The following POF1B variants were observed in gnomAD, a reference collection of about 807,000 sequenced individuals.
The protein encoded by POF1B is protein POF1B.
Under a neutral mutation model 55.3 loss-of-function variants are expected in POF1B, and 53 were observed. The ratio of observed to expected loss-of-function variants is 0.96; its 90% CI spans 0.77 to 1.20. The LOEUF is 1.20. Ranked by LOEUF, POF1B falls within the 50% of genes most tolerant of loss-of-function variation. POF1B has a pLI of 0.00. For missense variants in POF1B, 478 were observed against 420.5 expected (o/e 1.14, Z -1.20); for synonymous variants, 188 against 148.3 (o/e 1.27, Z -1.95).
At chrX:85,298,673 G>T (rs937975985) in intron 15 of POF1B, among the ~76,000 whole-genome samples, 4 of 111,917 alleles carry the variant, frequency 3.6e-5, no homozygotes, top group Non-Finnish European at 7.5e-5. Flanking sequence ...GTACTTCCTG[G>T]ATGTGTCTAC....
chrX:85,308,643 A>G (rs1220202083), intron 9 of POF1B, among the ~76,000 whole-genome samples: 1 of 111,535 alleles, frequency 9.0e-6, no homozygotes, highest in Admixed American at 9.6e-5. Flanking sequence ...TTTAACTTTA[A>G]AGTATAGAGC....
chrX:85,318,063 C>A lies in POF1B; in HGVS notation c.855-2329G>T, dbSNP rs768859586. Among the ~76,000 whole-genome samples the A allele has an allele frequency of 3.6e-5, 4 of 110,566 alleles. No homozygotes were observed. In the East Asian group the frequency reaches 1.1e-3, roughly 32 times the overall value. ...AGAGGGGGAACAACACATACTGGGGCCTATTAAAAGGTAGAGGGTGGGAGG... is the reference window on the plus strand; with the variant it reads ...AGAGGGGGAACAACACATACTGGGGACTATTAAAAGGTAGAGGGTGGGAGG... On this transcript the variant is annotated intron_variant, in intron 7 of 16. Transcript: ENST00000262753.
At chrX:85,373,829 C>T (rs2049586142) in intron 2 of POF1B, among the ~76,000 whole-genome samples, 1 of 111,120 alleles carries the variant, frequency 9.0e-6, no homozygotes, top group Non-Finnish European at 1.9e-5. Flanking sequence ...TTCAGGGTGT[C>T]TAGATTGGTG....
rs12008480 is a variant in POF1B at position 85,279,109 on chromosome X, T to G, written c.*312A>C. On this transcript the variant is annotated 3_prime_UTR_variant, in exon 17 of 17. Transcript: ENST00000262753. ...AACAAATTAGTTTGATATCTAGGAG[T>G]TACCTTATCTGAAACATAATGAGTT... The G allele has an allele frequency of 0.19, 37,697 of 198,248 alleles. 3,459 individuals carry two copies. The highest frequency in any genetic ancestry group is 0.4 in the African/African-American group (13,484 of 33,658). 16.3% of individuals were successfully genotyped at this position (198,248 alleles called of 1,213,427 possible).
At chrX:85,294,035 G>T (rs12014640) in intron 15 of POF1B, among the ~76,000 whole-genome samples, 5,600 of 110,886 alleles carry the variant, frequency 0.051, 307 homozygotes, top group African/African-American at 0.16. Context: ...CATTTAAAAA[G>T]AATTAAAGAA....
intron 7 of POF1B, among the ~76,000 whole-genome samples, chrX:85,319,495 C>A (rs1311425785): frequency 1.8e-5 from 2 of 110,924 alleles, no homozygotes; most frequent in Non-Finnish European, 3.8e-5. Context: ...TATGATGTTG[C>A]CTAAGGGCTT....
At chrX:85,343,988 GACA>G (rs1455530524) in intron 6 of POF1B, among the ~76,000 whole-genome samples, 1 of 111,003 alleles carries the variant, frequency 9.0e-6, no homozygotes, top group Non-Finnish European at 1.9e-5. Flanking sequence ...GAGCAATAAG[GACA>G]ACAATAGCAC....
intron 7 of POF1B, among the ~76,000 whole-genome samples, chrX:85,323,920 G>A (rs1217178520): frequency 1.8e-5 from 2 of 111,657 alleles, no homozygotes; most frequent in Non-Finnish European, 3.8e-5. Flanking sequence ...TTGTATGTTT[G>A]TTGTCATTCG....
rs142331292 is a variant in POF1B at position 85,358,401 on chromosome X, A to G, written c.438+1149T>C. The stretch of plus-strand genomic sequence containing the variant: ...GCTGTATGCTCCTTTAATTGGGGAA[A>G]CATGCCTTATTTCCCTGTTTCTATT... On this transcript the variant is annotated intron_variant, in intron 4 of 16. Coordinates refer to ENST00000262753, the MANE Select transcript of POF1B (RefSeq NM_024921.4). Among the ~76,000 whole-genome samples, 682 of 111,224 alleles carry G rather than the reference A, an allele frequency of 6.1e-3. 7 individuals are homozygous for G. The highest frequency in any genetic ancestry group is 0.021 in the African/African-American group (646 of 30,711).
At chrX:85,342,881 G>A (rs1418454137) in intron 6 of POF1B, among the ~76,000 whole-genome samples, 2 of 111,330 alleles carry the variant, frequency 1.8e-5, no homozygotes, top group African/African-American at 3.3e-5. Flanking sequence ...GCACAAGCAG[G>A]TTACCCTGTC....
At chrX:85,332,358 T>A (rs969643079) in intron 6 of POF1B, among the ~76,000 whole-genome samples, 22 of 111,141 alleles carry the variant, frequency 2.0e-4, no homozygotes, top group African/African-American at 6.8e-4. Flanking sequence ...AGACGCAAAT[T>A]ACTATGAACA....
intron 16 of POF1B, 128 bp downstream of exon 16, chrX:85,282,075 A>G: frequency 1.2e-6 from 1 of 859,067 alleles, no homozygotes; most frequent in Non-Finnish European, 1.5e-6. Flanking sequence ...GTATATCAAT[A>G]ATGGAAACAG....
At chrX:85,348,675 C>T (rs970522939) in intron 5 of POF1B, among the ~76,000 whole-genome samples, 2 of 111,154 alleles carry the variant, frequency 1.8e-5, no homozygotes, top group African/African-American at 6.5e-5. Flanking sequence ...TGGTGGTTCC[C>T]AAACTCCGAA....
chrX:85,315,645 C>T, intron 8 of POF1B, 62 bp downstream of exon 8: 5 of 956,490 alleles, frequency 5.2e-6, no homozygotes, highest in Non-Finnish European at 7.0e-6. Flanking sequence ...ATTATTATTG[C>T]AAATATCAGA....
intron 7 of POF1B, among the ~76,000 whole-genome samples, chrX:85,321,797 C>T (rs1280124330): frequency 9.5e-6 from 1 of 105,122 alleles, no homozygotes; most frequent in African/African-American, 3.7e-5. Flanking sequence ...TGTACACCAA[C>T]AACAGACAAA....
chrX:85,294,621 T>C (rs769655713), intron 15 of POF1B, among the ~76,000 whole-genome samples: 1 of 112,018 alleles, frequency 8.9e-6, no homozygotes, highest in South Asian at 3.7e-4. Flanking sequence ...GGCTTGCAAG[T>C]ATTTTGTTGA....
In POF1B at chrX:85,345,893, C is replaced by T; in HGVS notation, c.690G>A (p.Leu230=). Residue 230 remains leucine (L), a synonymous_variant, in exon 6 of 17, where the codon CTG becomes CTA. Coordinates refer to ENST00000262753, the MANE Select transcript of POF1B (RefSeq NM_024921.4). ...AAATCTGGCTTGATCCACTATGGCA[C>T]AGTTCATTTCCAATATGTGTAGAAA... ...NPISTHIGNE[L]CHSGSSQICE... 1 of 1,205,575 alleles carries T rather than the reference C, an allele frequency of 8.3e-7. No homozygotes were observed. The highest frequency in any genetic ancestry group is 1.7e-5 in the African/African-American group (1 of 57,372).
intron 15 of POF1B, among the ~76,000 whole-genome samples, chrX:85,284,741 C>T (rs1396643938): frequency 9.0e-6 from 1 of 111,546 alleles, no homozygotes; most frequent in Non-Finnish European, 1.9e-5. Flanking sequence ...AGGACATAGG[C>T]GTGGGCAAAG....
intron 6 of POF1B, among the ~76,000 whole-genome samples, chrX:85,332,682 A>G (rs1441504948): frequency 1.8e-5 from 2 of 111,583 alleles, no homozygotes; most frequent in African/African-American, 6.5e-5. Context: ...AAGCAAAGAT[A>G]AGTTTTCATA....
Sources: gnomAD v4.1 joint callset for allele counts (sites outside exome capture counted in the v4.1 genomes callset) on GRCh38, gnomAD v4.1.1 for gene constraint, MANE v1.5 for transcripts, NCBI Gene and HGNC (gene_info 2026-07-23, HGNC 2026-07-21) for gene names.